LDLRAD3: variants seen among roughly 807,000 people sequenced by gnomAD.
LDLRAD3 encodes the protein low density lipoprotein receptor class A domain containing 3.
LDLRAD3 carries 20 observed loss-of-function variants against 29.4 expected under a neutral mutation model. That is an observed-to-expected ratio of 0.68 (90% CI 0.48 to 0.99). The LOEUF is 0.99. LDLRAD3 is among the 50% of genes least tolerant of loss of function. LDLRAD3 has a pLI of 0.00. For missense variants in LDLRAD3, 420 were observed against 454.3 expected, an observed-to-expected ratio of 0.92 and a Z score of 0.69; for synonymous variants, 157 against 192.7, an observed-to-expected ratio of 0.81 and a Z score of 1.53.
At chr11:36,210,567 A>G (rs1431523025) in intron 4 of LDLRAD3, among the ~76,000 whole-genome samples, 2 of 152,206 alleles carry the variant, frequency 1.3e-5, no homozygotes, top group South Asian at 4.2e-4. Context: ...AACCGGGTTC[A>G]GTGACCCACT....
chr11:36,183,134 T>TGGTGGGAA (rs768161485), intron 4 of LDLRAD3, among the ~76,000 whole-genome samples: 9 of 152,084 alleles, frequency 5.9e-5, no homozygotes, highest in Non-Finnish European at 1.3e-4. Flanking sequence ...GACGGTGGGA[T>TGGTGGGAA]GGTGGGAAGG....
intron 4 of LDLRAD3, among the ~76,000 whole-genome samples, chr11:36,145,485 A>G (rs1854176266): frequency 6.9e-6 from 1 of 145,722 alleles, no homozygotes; most frequent in Admixed American, 6.7e-5. Context: ...CTGCCCGGCC[A>G]CCACCCCGTC....
At chr11:36,138,268 T>C (rs1030326577) in intron 4 of LDLRAD3, among the ~76,000 whole-genome samples, 2 of 152,260 alleles carry the variant, frequency 1.3e-5, no homozygotes, top group East Asian at 3.8e-4. Flanking sequence ...TTGCTAATAG[T>C]ACCTACTTCC....
rs540510726 is a variant in LDLRAD3 at position 36,065,951 on chromosome 11, C to T, written c.194-15702C>T. 2.0e-5 allele frequency among the ~76,000 whole-genome samples: 3 copies of T among 152,226 alleles called. No individual in the cohort carries two copies. The South Asian group carries it at 6.2e-4, about 32-fold the overall frequency. On this transcript the variant is annotated intron_variant, in intron 2 of 5. Transcript: ENST00000315571. The stretch of plus-strand genomic sequence containing the variant: ...GAAGGCAAAGAATATGCCACGGAAG[C>T]GAGGATGTTTGAAGAAGGAAAACCT...
rs999424322 is a variant in LDLRAD3 at position 36,213,912 on chromosome 11, T to C, written c.455-13173T>C. ...CTAGTGTGAAGGGTCAGACTCTTCG[T>C]CCAGGTAAAAGGAAACTACAGAAGC... On this transcript the variant is annotated intron_variant, in intron 4 of 5. Transcript: ENST00000315571. This position sits in a 1 kb window ranked among gnomAD's most constrained non-coding sequence, Gnocchi z 4.1. Among the ~76,000 whole-genome samples the C allele has an allele frequency of 2.6e-5, 4 of 152,136 alleles. No individual in the cohort carries two copies. The highest frequency in any genetic ancestry group is 9.7e-5 in the African/African-American group (4 of 41,426).
intron 1 of LDLRAD3, among the ~76,000 whole-genome samples, chr11:36,024,838 T>C (rs1280155883): frequency 6.6e-6 from 1 of 152,256 alleles, no homozygotes; most frequent in Admixed American, 6.5e-5. Context: ...GTGTGGACTA[T>C]TCTAAGGAAG....
intron 1 of LDLRAD3, chr11:35,967,931 G>A (rs971898500): frequency 5.6e-5 from 22 of 391,122 alleles, no homozygotes; most frequent in Admixed American, 4.9e-4. Context: ...TAAACTTCAC[G>A]CAAAGCCAAA....
At chr11:36,006,832 C>G (rs1198354247) in intron 1 of LDLRAD3, among the ~76,000 whole-genome samples, 3 of 152,254 alleles carry the variant, frequency 2.0e-5, no homozygotes, top group South Asian at 2.1e-4. Context: ...CCCGTGGATT[C>G]AGACCTTACT....
chr11:35,959,825 G>A lies in LDLRAD3; in HGVS notation c.46+15681G>A, dbSNP rs1027112842. Among the ~76,000 whole-genome samples, 30 of 152,082 alleles carry A rather than the reference G, an allele frequency of 2.0e-4. 1 individual carries two copies. Among genetic ancestry groups the A allele is most frequent in the Non-Finnish European group, 5.9e-5 (4 of 68,014 alleles). ...ACACCTGTGGTCCCTGTAGCTACTT[G>A]GGAGGCTGAGGCATGAGAATTGCTT... On this transcript the variant is annotated intron_variant, in intron 1 of 5. Coordinates refer to ENST00000315571, the MANE Select transcript of LDLRAD3 (RefSeq NM_174902.4).
chr11:36,101,904 TTGA>T (rs1279396137), intron 4 of LDLRAD3: 5 of 319,636 alleles, frequency 1.6e-5, no homozygotes, highest in African/African-American at 9.7e-5. Flanking sequence ...TTTTTTTTTT[TTGA>T]GACGGAGTCT....
At chr11:36,148,983 T>G (rs1413285005) in intron 4 of LDLRAD3, among the ~76,000 whole-genome samples, 2 of 152,220 alleles carry the variant, frequency 1.3e-5, no homozygotes, top group Non-Finnish European at 2.9e-5. Context: ...ATCCATCCAT[T>G]TAGCCAACTG....
intron 4 of LDLRAD3, among the ~76,000 whole-genome samples, chr11:36,132,270 AG>A (rs1170453369): frequency 6.6e-6 from 1 of 152,174 alleles, no homozygotes; most frequent in Non-Finnish European, 1.5e-5. Context: ...TCCTTTGCCA[AG>A]TCCACTGTCT....
chr11:36,126,358 C>T (rs144843138), intron 4 of LDLRAD3, among the ~76,000 whole-genome samples: 2 of 152,264 alleles, frequency 1.3e-5, no homozygotes, highest in East Asian at 3.9e-4. Flanking sequence ...AGGCTTACAC[C>T]CACCAAGAGC....
At chr11:36,030,564 G>A (rs1852224056) in intron 1 of LDLRAD3, among the ~76,000 whole-genome samples, 1 of 152,170 alleles carries the variant, frequency 6.6e-6, no homozygotes, top group African/African-American at 2.4e-5. Flanking sequence ...AGTGGAAAGA[G>A]GTGGTTAATT....
intron 3 of LDLRAD3, among the ~76,000 whole-genome samples, chr11:36,094,753 T>C (rs1296186117): frequency 6.6e-6 from 1 of 152,288 alleles, no homozygotes; most frequent in African/African-American, 2.4e-5. Context: ...GCCAGGCTGG[T>C]CTTGACCTCC....
At chr11:35,966,430 A>C (rs951767934) in intron 1 of LDLRAD3, among the ~76,000 whole-genome samples, 1 of 152,210 alleles carries the variant, frequency 6.6e-6, no homozygotes, top group South Asian at 2.1e-4. Flanking sequence ...GTCCCAAAAA[A>C]CAAAAAGCAA....
chr11:36,006,261 G>T (rs1172397259), intron 1 of LDLRAD3, among the ~76,000 whole-genome samples: 2 of 152,078 alleles, frequency 1.3e-5, no homozygotes, highest in African/African-American at 4.8e-5. Flanking sequence ...ACAGATTAGG[G>T]GAAAAGCCAT....
chr11:36,001,153 A>AG (rs1851819164), intron 1 of LDLRAD3: 1 of 152,224 alleles, frequency 6.6e-6, no homozygotes, highest in Admixed American at 6.5e-5. Context: ...TCCAAGGAGA[A>AG]GGTGGTCATT....
intron 2 of LDLRAD3, among the ~76,000 whole-genome samples, chr11:36,068,693 T>C (rs1336595799): frequency 6.6e-6 from 1 of 152,156 alleles, no homozygotes; most frequent in Non-Finnish European, 1.5e-5. Context: ...ATTTTTTGTA[T>C]TTTTAGTAGA....
Sources: allele counts gnomAD v4.1 joint callset (sites outside exome capture counted in the v4.1 genomes callset), GRCh38; gene constraint gnomAD v4.1.1; non-coding constraint Gnocchi (gnomAD v3.1); transcripts MANE v1.5; gene names NCBI Gene and HGNC (gene_info 2026-07-23, HGNC 2026-07-21).